The following ACAP2 variants were observed in gnomAD, a reference collection of about 807,000 sequenced individuals.
ACAP2 encodes ArfGAP with coiled-coil, ankyrin repeat and PH domains 2, also known as arf-GAP with coiled-coil, ANK repeat and PH domain-containing protein 2.
ACAP2 carries 39 observed loss-of-function variants against 115.8 expected under a neutral mutation model. The ratio of observed to expected loss-of-function variants is 0.34; its 90% CI spans 0.26 to 0.44. The LOEUF is 0.44. Ranked by LOEUF, ACAP2 falls within the 20% of genes least tolerant of loss-of-function variation. The probability of loss-of-function intolerance (pLI) is 1.00; values close to 1 mark genes in which losing one functional copy is unlikely to be tolerated. For missense variants in ACAP2, 662 were observed against 927.6 expected, an observed-to-expected ratio of 0.71 and a Z score of 3.72; for synonymous variants, 289 against 315.8, an observed-to-expected ratio of 0.92 and a Z score of 0.90.
intron 4 of ACAP2, among the ~76,000 whole-genome samples, chr3:195,364,989 A>G (rs1732618396): frequency 6.6e-6 from 1 of 152,212 alleles, no homozygotes; most frequent in African/African-American, 2.4e-5. Context: ...CATGGACGAA[A>G]CTAGACGTCA....
intron 13 of ACAP2, among the ~76,000 whole-genome samples, chr3:195,303,362 T>C (rs1728196029): frequency 6.6e-6 from 1 of 151,060 alleles, no homozygotes; most frequent in South Asian, 2.1e-4. Context: ...TAAGCCAAGA[T>C]CATGCCACCG....
intron 10 of ACAP2, among the ~76,000 whole-genome samples, 198 bp from the exon 11 acceptor site, chr3:195,309,035 G>T (rs1229893413): frequency 6.6e-6 from 1 of 151,996 alleles, no homozygotes; most frequent in African/African-American, 2.4e-5. Context: ...TAAAACCACA[G>T]GTTAGGAAAA....
At chr3:195,301,830 A>T in intron 14 of ACAP2, 136 bp downstream of exon 14, 1 of 1,218,876 alleles carries the variant, frequency 8.2e-7, no homozygotes, top group Non-Finnish European at 1.2e-6. Flanking sequence ...GATTTTAACT[A>T]CTTCTTAAAA....
chr3:195,399,849 A>T (rs2062128608), intron 1 of ACAP2, among the ~76,000 whole-genome samples: 1 of 152,074 alleles, frequency 6.6e-6, no homozygotes, highest in African/African-American at 2.4e-5. Context: ...TTTAAAAAAT[A>T]AAAAAATTTA....
chr3:195,399,463 C>A (rs533785467), intron 1 of ACAP2, among the ~76,000 whole-genome samples: 2 of 152,176 alleles, frequency 1.3e-5, no homozygotes, highest in Admixed American at 6.5e-5. Flanking sequence ...GGATTACAGG[C>A]GTGAGCCATA....
rs537536782 is a variant in ACAP2 at position 195,274,754 on chromosome 3, G to A, written c.*4574C>T. ...ATCACCATGAAAGAACTAAGCCAGA[G>A]GTGAGATCTTTATTGACTTATTGTA... On this transcript the variant is annotated 3_prime_UTR_variant, in exon 23 of 23. Transcript: ENST00000326793. The A allele has an allele frequency of 6.6e-6, 1 of 152,618 alleles. No individual in the cohort carries two copies. Among genetic ancestry groups the A allele is most frequent in the South Asian group, 2.1e-4 (1 of 4,826 alleles). 9.5% of individuals were successfully genotyped at this position (152,618 alleles called of 1,614,324 possible).
Position 195,276,576 on chromosome 3 carries a change from G to A in ACAP2, c.*2752C>T, listed in dbSNP as rs1008369231. ...AATGAGCTAACAGATTAATAATAAG[G>A]AATAAGAAACTAATAATAGCAGATA... On this transcript the variant is annotated 3_prime_UTR_variant, in exon 23 of 23. Coordinates refer to ENST00000326793, the MANE Select transcript of ACAP2 (RefSeq NM_012287.6). 2.0e-5 allele frequency: 3 copies of A among 151,988 alleles called. No individual in the cohort carries two copies. Among genetic ancestry groups the A allele is most frequent in the African/African-American group, 7.3e-5 (3 of 41,374 alleles). The allele number at this position is 151,988 out of a possible 1,614,324, so 9.4% of individuals were successfully genotyped here. A position where few individuals can be genotyped will look rare whatever the true frequency, so the allele number is the denominator to read the frequency against.
At chr3:195,374,472 G>T (rs1733379969) in intron 4 of ACAP2, among the ~76,000 whole-genome samples, 1 of 152,204 alleles carries the variant, frequency 6.6e-6, no homozygotes, top group Admixed American at 6.5e-5. Context: ...TCCATTTTAT[G>T]AATGATTGCC....
At chr3:195,424,245 G>T (rs868695758) in intron 1 of ACAP2, among the ~76,000 whole-genome samples, 51 of 46,234 alleles carry the variant, frequency 1.1e-3, no homozygotes, top group African/African-American at 4.0e-3. Flanking sequence ...TGTGTGTGTG[G>T]TGTGTGTGTG....
chr3:195,345,732 T>A (rs1434588247), intron 4 of ACAP2, among the ~76,000 whole-genome samples: 1 of 152,210 alleles, frequency 6.6e-6, no homozygotes, highest in East Asian at 1.9e-4. Flanking sequence ...ATACCTTAGT[T>A]GAGGTAGAGG....
At chr3:195,335,444 TG>T (rs1431671309) in intron 7 of ACAP2, among the ~76,000 whole-genome samples, 1 of 152,086 alleles carries the variant, frequency 6.6e-6, no homozygotes, top group African/African-American at 2.4e-5. Context: ...AAATTAAATG[TG>T]ATTTTAAAAG....
intron 15 of ACAP2, among the ~76,000 whole-genome samples, chr3:195,297,490 T>A (rs1403669912): frequency 1.3e-5 from 2 of 152,224 alleles, no homozygotes; most frequent in Non-Finnish European, 2.9e-5. Context: ...CCAAATTACC[T>A]CTGCTAGAAG....
At chr3:195,368,609 C>T (rs75698302) in intron 4 of ACAP2, among the ~76,000 whole-genome samples, 3,870 of 152,192 alleles carry the variant, frequency 0.025, 87 homozygotes, top group Non-Finnish European at 0.041. Context: ...AATTACATAT[C>T]GTTGTTTCCA....
Position 195,442,981 on chromosome 3 carries a change from G to T in ACAP2, c.-134C>A, listed in dbSNP as rs1468958993. 7 of 723,766 alleles carry T rather than the reference G, an allele frequency of 9.7e-6. No homozygotes were observed. The highest frequency in any genetic ancestry group is 1.2e-5 in the Non-Finnish European group (6 of 480,424). 44.8% of individuals were successfully genotyped at this position (723,766 alleles called of 1,614,324 possible). On this transcript the variant is annotated 5_prime_UTR_variant, in exon 1 of 23. Coordinates refer to ENST00000326793, the MANE Select transcript of ACAP2 (RefSeq NM_012287.6). ...CGGAGCTGCGAAGGGCGCCTCGCCC[G>T]CTGGTCATAGCAGCCGCGAAGACGG...
At chr3:195,402,731 A>G (rs1712418462) in intron 1 of ACAP2, among the ~76,000 whole-genome samples, 1 of 152,228 alleles carries the variant, frequency 6.6e-6, no homozygotes, top group Non-Finnish European at 1.5e-5. Flanking sequence ...TTGGACACTC[A>G]AAGAAAAGAA....
chr3:195,295,051 T>C, intron 17 of ACAP2: 1 of 419,622 alleles, frequency 2.4e-6, no homozygotes, highest in Non-Finnish European at 4.3e-6. Context: ...CTCCATAATA[T>C]GTCAGGGGTA....
intron 18 of ACAP2, among the ~76,000 whole-genome samples, chr3:195,293,352 A>C (rs1260404703): frequency 1.3e-5 from 2 of 152,172 alleles, no homozygotes; most frequent in African/African-American, 4.8e-5. Flanking sequence ...AAATCACTGA[A>C]ATCATGGAGG....
At chr3:195,405,469 G>A (rs759694208) in intron 1 of ACAP2, among the ~76,000 whole-genome samples, 37 of 152,190 alleles carry the variant, frequency 2.4e-4, no homozygotes, top group Admixed American at 3.9e-4. Flanking sequence ...GGCAGATCAC[G>A]AGGTCAGGAG....
At chr3:195,280,083 G>C (rs1282293957) in intron 22 of ACAP2, among the ~76,000 whole-genome samples, 5 of 149,086 alleles carry the variant, frequency 3.4e-5, no homozygotes, top group Admixed American at 3.3e-4. Flanking sequence ...GGGTGGGGGG[G>C]TTGGGGGGAG....
Sources: allele counts gnomAD v4.1 joint callset (sites outside exome capture counted in the v4.1 genomes callset), GRCh38; gene constraint gnomAD v4.1.1; transcripts MANE v1.5; gene names NCBI Gene and HGNC (gene_info 2026-07-23, HGNC 2026-07-21).